Variants in MYLK observed in about 807,000 individuals in gnomAD.
The protein encoded by MYLK is myosin light chain kinase, smooth muscle.
In MYLK, 106 loss-of-function variants were observed where a neutral mutation model predicts 203.4. That is an observed-to-expected ratio of 0.52 (90% CI 0.45 to 0.61). The LOEUF is 0.61. Among genes scored for constraint, MYLK ranks in the 20% least tolerant of loss-of-function variants. The probability of loss-of-function intolerance (pLI) is 0.00; values close to 1 mark genes in which losing one functional copy is unlikely to be tolerated. For synonymous variants in MYLK, 867 were observed against 959.5 expected, an observed-to-expected ratio of 0.90 and a Z score of 1.78; for missense variants, 2,072 against 2,442.3, an observed-to-expected ratio of 0.85 and a Z score of 3.20.
At chr3:123,745,897 G>A (rs112487083) in intron 5 of MYLK, among the ~76,000 whole-genome samples, 12,579 of 151,598 alleles carry the variant, frequency 0.083, 1,625 homozygotes, top group African/African-American at 0.28. Flanking sequence ...TCACTCTGTC[G>A]CCCAGGGTGG....
chr3:123,704,309 C>T (rs1283426075), intron 16 of MYLK, among the ~76,000 whole-genome samples: 1 of 152,330 alleles, frequency 6.6e-6, no homozygotes, highest in East Asian at 1.9e-4. Flanking sequence ...TGGCCTCCTG[C>T]CTGGGACCCA....
chr3:123,846,863 T>C (rs1577114328), intron 2 of MYLK, among the ~76,000 whole-genome samples: 1 of 152,182 alleles, frequency 6.6e-6, no homozygotes, highest in East Asian at 1.9e-4. Context: ...TACTCCTGGG[T>C]ATATTATGGC....
intron 13 of MYLK, among the ~76,000 whole-genome samples, chr3:123,713,124 G>C (rs1237899522): frequency 6.6e-6 from 1 of 152,212 alleles, no homozygotes; most frequent in African/African-American, 2.4e-5. Context: ...GGGGAAACCG[G>C]CCGATCGGCA....
In MYLK at chr3:123,841,569, C is replaced by T. The variant is rs79470387; in HGVS notation, c.-126-9899G>A. On this transcript the variant is annotated intron_variant, in intron 2 of 33. Transcript: ENST00000360304. ...CATTTTCTGTCAGTTCCTTTTTTTC[C>T]GTCTTCAGACATCCTCTCTTAAAAA... Among the ~76,000 whole-genome samples, 1,018 of 152,010 alleles carry T rather than the reference C, an allele frequency of 6.7e-3. 9 individuals carry two copies. The highest frequency in any genetic ancestry group is 0.02 in the African/African-American group (845 of 41,504).
rs2059691501 is a variant in MYLK at position 123,665,056 on chromosome 3, C to CA, written c.3832-799dup. On this transcript the variant is annotated intron_variant, in intron 22 of 33. Coordinates refer to ENST00000360304, the MANE Select transcript of MYLK (RefSeq NM_053025.4). ...GAATTAGATAATGGTGATGCTTGCA[C>CA]AACCTTGTGAATCTACTGAAAACCA... 2.6e-5 allele frequency among the ~76,000 whole-genome samples: 4 copies of CA among 152,188 alleles called. No individual in the cohort carries two copies. The South Asian group carries it at 8.3e-4, about 32-fold the overall frequency.
chr3:123,869,264 G>A (rs1036182889), intron 2 of MYLK, among the ~76,000 whole-genome samples: 1 of 152,134 alleles, frequency 6.6e-6, no homozygotes, highest in African/African-American at 2.4e-5. Context: ...GCAGTTGGAG[G>A]TGACTCTCCT....
rs748610813 is a variant in MYLK, at chr3:123,647,316, C to T, written c.4527G>A (p.Glu1509=). The change falls in exon 27 of 34, where the codon GAG becomes GAA. Residue 1509 remains glutamate, a synonymous_variant. Coordinates refer to ENST00000360304, the MANE Select transcript of MYLK (RefSeq NM_053025.4). The part of the protein sequence containing the change: ...SAKEKENIRQ[E]ISIMNCLHHP... ...GGTGGAGGCAGTTCATGATGCTAAT[C>T]TCCTGCCGGATATTCTCTTTCTCTT... 8 of 1,614,230 alleles carry T rather than the reference C, an allele frequency of 5.0e-6. No homozygotes were observed. Among genetic ancestry groups the T allele is most frequent in the South Asian group, 1.1e-5 (1 of 91,084 alleles).
At position 123,734,387 on chromosome 3, in the gene MYLK, TTTCCCAAGCCAC is replaced by T. The variant is rs991612142; in HGVS notation, c.774-177_774-166del. The T allele has an allele frequency of 8.9e-6, 6 of 671,890 alleles. No homozygotes were observed. In the Admixed American group the frequency reaches 1.7e-4, roughly 20 times the overall value. The allele number at this position is 671,890 out of a possible 1,614,324, so 41.6% of individuals were successfully genotyped here. A position where few individuals can be genotyped will look rare whatever the true frequency, so the allele number is the denominator to read the frequency against. Reference sequence around the variant, plus strand: ...GCATCTTTCTCTGCAGTTTGCCCAGTTTCCCAAGCCACAGCACAAGCAGCCATTCCCGACACT... The same window carrying T: ...GCATCTTTCTCTGCAGTTTGCCCAGTAGCACAAGCAGCCATTCCCGACACT... On this transcript the variant is annotated intron_variant, in intron 9 of 33. Coordinates refer to ENST00000360304, the MANE Select transcript of MYLK (RefSeq NM_053025.4).
chr3:123,659,578 C>A, intron 23 of MYLK: 1 of 416,674 alleles, frequency 2.4e-6, no homozygotes, highest in Non-Finnish European at 4.9e-6. Flanking sequence ...GATTGGAGGC[C>A]TCCCACTCCT....
intron 2 of MYLK, among the ~76,000 whole-genome samples, chr3:123,873,979 A>G (rs2032994374): frequency 6.6e-6 from 1 of 152,102 alleles, no homozygotes; most frequent in South Asian, 2.1e-4. Flanking sequence ...AAAAACTATA[A>G]AATATTGATA....
At chr3:123,668,560 A>G (rs548063983) in intron 20 of MYLK, among the ~76,000 whole-genome samples, 1 of 152,326 alleles carries the variant, frequency 6.6e-6, no homozygotes, top group South Asian at 2.1e-4. Context: ...CTGTGGTGAC[A>G]GAACCAGATC....
Position 123,733,800 on chromosome 3 carries a change from G to A in MYLK, c.1196C>T (p.Ala399Val), listed in dbSNP as rs767169659. The A allele has an allele frequency of 2.5e-6, 4 of 1,614,228 alleles. No individual in the cohort carries two copies. In the South Asian group the frequency reaches 4.4e-5, roughly 18 times the overall value. Reference sequence around the variant, plus strand: ...GCCCTCCATGGGGATTCTCCTGTTAGCAGCCTTGCTCACAACATCTTGGCT... The same window carrying A: ...GCCCTCCATGGGGATTCTCCTGTTAACAGCCTTGCTCACAACATCTTGGCT... Reference protein sequence around the residue: ...LGSQDVVSKAANRRIPMEGQR... With the variant: ...LGSQDVVSKAVNRRIPMEGQR... Residue 399 changes from alanine (A) to valine (V), a missense_variant, in exon 10 of 34, where the codon GCT (alanine) becomes GTT (valine). Transcript: ENST00000360304.
chr3:123,838,694 T>G (rs1209883649), intron 2 of MYLK, among the ~76,000 whole-genome samples: 1 of 152,122 alleles, frequency 6.6e-6, no homozygotes, highest in Non-Finnish European at 1.5e-5. Context: ...GTGATATAAT[T>G]GGAAGGTAGA....
At chr3:123,617,121 T>C (rs189592918) in intron 33 of MYLK, 2 of 152,328 alleles carry the variant, frequency 1.3e-5, no homozygotes, top group Admixed American at 6.5e-5. Flanking sequence ...GCACCCTCAG[T>C]GCAAAAGTTT....
intron 2 of MYLK, among the ~76,000 whole-genome samples, chr3:123,834,188 G>A (rs1444235741): frequency 2.0e-5 from 3 of 151,992 alleles, no homozygotes; most frequent in Admixed American, 2.0e-4. Flanking sequence ...TGGGACTACA[G>A]GTGCACGCCA....
intron 3 of MYLK, among the ~76,000 whole-genome samples, chr3:123,826,051 C>A (rs1402339321): frequency 3.9e-5 from 6 of 152,190 alleles, no homozygotes; most frequent in Admixed American, 3.9e-4. Context: ...CCTAGTGGCC[C>A]TGTACCACCC....
intron 3 of MYLK, among the ~76,000 whole-genome samples, chr3:123,798,418 G>T (rs1352238570): frequency 6.6e-6 from 1 of 152,158 alleles, no homozygotes; most frequent in Non-Finnish European, 1.5e-5. Flanking sequence ...GCCTGGCTTT[G>T]AAGACACAAG....
intron 28 of MYLK, chr3:123,638,639 G>T (rs964746061): frequency 3.8e-6 from 2 of 524,370 alleles, no homozygotes; most frequent in African/African-American, 2.1e-5. Flanking sequence ...CATGAGTGAG[G>T]CCCAGGGAAG....
intron 2 of MYLK, among the ~76,000 whole-genome samples, chr3:123,835,618 C>T (rs1307992912): frequency 2.6e-5 from 4 of 152,096 alleles, no homozygotes; most frequent in African/African-American, 7.2e-5. Context: ...GCTCAGAAAA[C>T]AATACCCCAA....
Sources: gnomAD v4.1 joint callset for allele counts (sites outside exome capture counted in the v4.1 genomes callset) on GRCh38, gnomAD v4.1.1 for gene constraint, MANE v1.5 for transcripts, NCBI Gene and HGNC (gene_info 2026-07-23, HGNC 2026-07-21) for gene names.